TMEM260: variants seen among roughly 807,000 people sequenced by gnomAD.
TMEM260 encodes transmembrane protein 260.
Under a neutral mutation model 88.9 loss-of-function variants are expected in TMEM260, and 82 were observed. The ratio of observed to expected loss-of-function variants is 0.92; its 90% CI spans 0.77 to 1.11. The LOEUF (loss-of-function observed/expected upper bound fraction) is 1.11, where lower values mean the gene tolerates loss of function less well. TMEM260 is among the 50% of genes least tolerant of loss of function. The probability of loss-of-function intolerance (pLI) is 0.00; values close to 1 mark genes in which losing one functional copy is unlikely to be tolerated. For missense variants in TMEM260, 902 were observed against 853.4 expected (o/e 1.06, Z -0.71); for synonymous variants, 314 against 309.3 (o/e 1.02, Z -0.16).
At chr14:56,641,541 G>T (rs1377209518) in intron 15 of TMEM260, among the ~76,000 whole-genome samples, 1 of 152,124 alleles carries the variant, frequency 6.6e-6, no homozygotes, top group Non-Finnish European at 1.5e-5. Flanking sequence ...GGAACAACCA[G>T]TACCAGCCAC....
chr14:56,611,354 C>G lies in TMEM260; in HGVS notation c.817-891C>G, dbSNP rs146210036. 1.3e-3 allele frequency among the ~76,000 whole-genome samples: 192 copies of G among 152,248 alleles called. 1 individual carries two copies. Among genetic ancestry groups the G allele is most frequent in the African/African-American group, 4.5e-3 (187 of 41,538 alleles). The stretch of plus-strand genomic sequence containing the variant: ...TTTAAAAATTCAATAAGACTCTGAA[C>G]TAAAGACTTTGAGTGAAGAGAAATG... On this transcript the variant is annotated intron_variant, in intron 6 of 15. Transcript: ENST00000261556.
downstream of TMEM260, chr14:56,650,150 G>T (rs1331708774): frequency 2.2e-6 from 1 of 447,344 alleles, no homozygotes; most frequent in Non-Finnish European, 4.5e-6. Flanking sequence ...TAATGGAGGT[G>T]ACTTCTCATG....
At chr14:56,633,463 C>A (rs544823759) in intron 13 of TMEM260, 1 of 241,870 alleles carries the variant, frequency 4.1e-6, no homozygotes, top group African/African-American at 2.3e-5. Flanking sequence ...GCATCATCTA[C>A]CATCCTATAG....
chr14:56,607,868 A>C (rs906792568), intron 5 of TMEM260, among the ~76,000 whole-genome samples: 1 of 151,998 alleles, frequency 6.6e-6, no homozygotes, highest in African/African-American at 2.4e-5. Context: ...TTATTCCCCA[A>C]CTCTGCAATA....
At chr14:56,654,510 G>A (rs1263301492), downstream of TMEM260, among the ~76,000 whole-genome samples, 1 of 151,996 alleles carries the variant, frequency 6.6e-6, no homozygotes, top group Non-Finnish European at 1.5e-5. Context: ...ATTTGGTTCA[G>A]CCACTTTTTA....
At chr14:56,610,967 CTTT>C (rs61185871) in intron 6 of TMEM260, among the ~76,000 whole-genome samples, 2 of 117,998 alleles carry the variant, frequency 1.7e-5, no homozygotes, top group Admixed American at 8.5e-5. Flanking sequence ...TTCTTTCTTT[CTTT>C]TTTTTTTTTT....
chr14:56,643,378 C>A (rs1463844972), intron 15 of TMEM260, among the ~76,000 whole-genome samples: 1 of 152,162 alleles, frequency 6.6e-6, no homozygotes, highest in East Asian at 1.9e-4. Context: ...TCAATGTAAT[C>A]CAGCATATAA....
chr14:56,611,767 A>C lies in TMEM260; in HGVS notation c.817-478A>C, dbSNP rs760604227. Among the ~76,000 whole-genome samples, 49 of 152,240 alleles carry C rather than the reference A, an allele frequency of 3.2e-4. 1 individual carries two copies. Among genetic ancestry groups the C allele is most frequent in the Non-Finnish European group, 1.9e-4 (13 of 68,046 alleles). On this transcript the variant is annotated intron_variant, in intron 6 of 15. Transcript: ENST00000261556. The stretch of plus-strand genomic sequence containing the variant: ...TGTTCATCACAACACTATTCACAAT[A>C]GAAAAGACATAGAATCAACCTAAAT...
Position 56,616,032 on chromosome 14 carries a change from G to A in TMEM260, c.941+5G>A. The A allele has an allele frequency of 2.5e-6, 4 of 1,592,226 alleles. No individual in the cohort carries two copies. Among genetic ancestry groups the A allele is most frequent in the African/African-American group, 1.3e-5 (1 of 74,598 alleles). ...AAATATATGTTTAGCAACAAAGTAA[G>A]TAATACAATTCCTTTTTCTGTTATT... is the stretch of plus-strand genomic sequence containing the variant. On this transcript the variant is annotated splice_donor_5th_base_variant and intron_variant, in intron 8 of 15. Coordinates refer to ENST00000261556, the MANE Select transcript of TMEM260 (RefSeq NM_017799.4).
intron 9 of TMEM260, 129 bp from the exon 10 acceptor site, chr14:56,618,465 T>A: frequency 1.2e-6 from 1 of 826,472 alleles, no homozygotes; most frequent in Non-Finnish European, 1.9e-6. Context: ...GGGAAATCAG[T>A]TAACAAAACC....
intron 10 of TMEM260, 42 bp downstream of exon 10, chr14:56,618,805 G>A: frequency 6.4e-7 from 1 of 1,558,948 alleles, no homozygotes; most frequent in Non-Finnish European, 8.8e-7. Context: ...TGTCAAGCCA[G>A]AGATACCTGA....
At chr14:56,600,237 CAT>C (rs1449298406) in intron 3 of TMEM260, among the ~76,000 whole-genome samples, 2 of 152,308 alleles carry the variant, frequency 1.3e-5, no homozygotes, top group East Asian at 3.9e-4. Context: ...TGGACGTACA[CAT>C]GACTTTCTGC....
chr14:56,655,686 A>G, the TMEM260 span, among the ~76,000 whole-genome samples: 1 of 152,178 alleles, frequency 6.6e-6, no homozygotes, highest in Admixed American at 6.5e-5. Flanking sequence ...CTAGAACTTT[A>G]TTTTATGGGA....
chr14:56,606,928 A>G (rs17703029), intron 5 of TMEM260, among the ~76,000 whole-genome samples: 59,870 of 152,088 alleles, frequency 0.39, 12,799 homozygotes, highest in East Asian at 0.6. Context: ...ATAATAAGTA[A>G]AAGGGAAACA....
At position 56,648,522 on chromosome 14, in the gene TMEM260, C is replaced by T. The variant is rs1890103016; in HGVS notation, c.*1025C>T. The T allele has an allele frequency of 6.6e-6, 1 of 152,546 alleles. No homozygotes were observed. The highest frequency in any genetic ancestry group is 2.1e-4 in the South Asian group (1 of 4,826). The allele number at this position is 152,546 out of a possible 1,614,324, so 9.4% of individuals were successfully genotyped here. A position where few individuals can be genotyped will look rare whatever the true frequency, so the allele number is the denominator to read the frequency against. ...CTAGACTCCAAGCACTATATAGGCCCCTGTATAGAAATGCTCACTAATGAA... is the reference window on the plus strand; with the variant it reads ...CTAGACTCCAAGCACTATATAGGCCTCTGTATAGAAATGCTCACTAATGAA... On this transcript the variant is annotated 3_prime_UTR_variant, in exon 16 of 16. Transcript: ENST00000261556.
chr14:56,596,794 A>AAAAAAAAATAT (rs59623466), intron 3 of TMEM260, among the ~76,000 whole-genome samples: 31 of 136,296 alleles, frequency 2.3e-4, no homozygotes, highest in African/African-American at 7.5e-4. Flanking sequence ...TAAAAAAAAA[A>AAAAAAAAATAT]ATATATATAT....
intron 5 of TMEM260, among the ~76,000 whole-genome samples, chr14:56,605,940 G>T (rs1566543424): frequency 6.6e-6 from 1 of 152,104 alleles, no homozygotes; most frequent in Non-Finnish European, 1.5e-5. Context: ...AGGCTGAAAG[G>T]ACTTAAAGCA....
intron 9 of TMEM260, among the ~76,000 whole-genome samples, chr14:56,617,979 T>G (rs1474076621): frequency 2.0e-5 from 3 of 152,196 alleles, no homozygotes; most frequent in Non-Finnish European, 4.4e-5. Flanking sequence ...GGCTTCCTCT[T>G]CCAGCATCCC....
intron 15 of TMEM260, among the ~76,000 whole-genome samples, chr14:56,637,559 G>A (rs1889206412): frequency 6.6e-6 from 1 of 152,224 alleles, no homozygotes; most frequent in African/African-American, 2.4e-5. Context: ...CACTTGCAGA[G>A]TCTGCTCTAT....
Sources: allele counts gnomAD v4.1 joint callset (sites outside exome capture counted in the v4.1 genomes callset), GRCh38; gene constraint gnomAD v4.1.1; transcripts MANE v1.5; gene names NCBI Gene and HGNC (gene_info 2026-07-23, HGNC 2026-07-21).